The following JADE3 variants were observed in gnomAD, a reference collection of about 807,000 sequenced individuals.
JADE3 encodes the protein jade family PHD finger 3.
In JADE3, 2 loss-of-function variants were observed where a neutral mutation model predicts 50.1. The observed-to-expected ratio is 0.04, with a 90% CI of 0.02 to 0.13. The LOEUF (loss-of-function observed/expected upper bound fraction) is 0.13, where lower values mean the gene tolerates loss of function less well. JADE3 is among the 10% of genes least tolerant of loss of function. The pLI is 1.00. For missense variants in JADE3, 475 were observed against 634.4 expected, an observed-to-expected ratio of 0.75 and a Z score of 2.70; for synonymous variants, 218 against 232.9, an observed-to-expected ratio of 0.94 and a Z score of 0.58.
Position 46,928,957 on chromosome X carries a change from A to G in JADE3, c.-12+16238A>G, listed in dbSNP as rs1296880972. Among the ~76,000 whole-genome samples the G allele has an allele frequency of 2.7e-5, 3 of 111,906 alleles. No homozygotes were observed. The Admixed American group carries it at 2.9e-4, about 11-fold the overall frequency. ...GGCTATATACTTCCTGTGGAAAACAATAGTTAGGAAAAGAAATACACATTT... is the reference window on the plus strand; with the variant it reads ...GGCTATATACTTCCTGTGGAAAACAGTAGTTAGGAAAAGAAATACACATTT... On this transcript the variant is annotated intron_variant, in intron 1 of 10. Coordinates refer to ENST00000614628, the MANE Select transcript of JADE3 (RefSeq NM_014735.5).
intron 4 of JADE3, among the ~76,000 whole-genome samples, chrX:47,020,345 A>G (rs1381752456): frequency 9.0e-6 from 1 of 110,512 alleles, no homozygotes; most frequent in East Asian, 2.8e-4. Context: ...AAAAAAAAAA[A>G]GTGTGTCTAT....
At chrX:47,032,578 A>G (rs1298236051) in intron 6 of JADE3, among the ~76,000 whole-genome samples, 1 of 111,481 alleles carries the variant, frequency 9.0e-6, no homozygotes, top group African/African-American at 3.3e-5. Flanking sequence ...GGCATGGCAT[A>G]ATGAGAACTT....
rs1050120676 is a variant in JADE3 at position 46,920,675 on chromosome X, C to T, written c.-12+7956C>T. On this transcript the variant is annotated intron_variant, in intron 1 of 10. Transcript: ENST00000614628. Reference sequence around the variant, plus strand: ...ATATTCTCCTGCCATGAATGTGATTCCACGTATGGATGTCTAGTTGTCCCA... The same window carrying T: ...ATATTCTCCTGCCATGAATGTGATTTCACGTATGGATGTCTAGTTGTCCCA... 4.4e-5 allele frequency among the ~76,000 whole-genome samples: 5 copies of T among 112,554 alleles called. No homozygotes were observed. The East Asian group carries it at 1.1e-3, about 25-fold the overall frequency.
intron 4 of JADE3, among the ~76,000 whole-genome samples, chrX:47,016,394 A>T (rs1556362917): frequency 8.9e-6 from 1 of 111,971 alleles, no homozygotes; most frequent in African/African-American, 3.2e-5. Flanking sequence ...ACAGATTTCC[A>T]TATAGTCTTA....
intron 7 of JADE3, among the ~76,000 whole-genome samples, chrX:47,037,144 C>G (rs1556368165): frequency 9.3e-6 from 1 of 107,795 alleles, no homozygotes; most frequent in African/African-American, 3.4e-5. Flanking sequence ...GCATCCCTTT[C>G]TTTTCAGCAC....
intron 1 of JADE3, among the ~76,000 whole-genome samples, chrX:46,974,597 A>G (rs1556351212): frequency 8.9e-6 from 1 of 112,065 alleles, no homozygotes; most frequent in African/African-American, 3.2e-5. Context: ...GATTACTTCC[A>G]AATACCATCA....
At chrX:46,965,458 G>A (rs1421534801) in intron 1 of JADE3, among the ~76,000 whole-genome samples, 1 of 111,182 alleles carries the variant, frequency 9.0e-6, no homozygotes, top group Non-Finnish European at 1.9e-5. Context: ...ACTCATTCTC[G>A]GAGATTTGAT....
intron 1 of JADE3, among the ~76,000 whole-genome samples, chrX:46,958,484 A>G (rs1927183948): frequency 9.0e-6 from 1 of 111,481 alleles, no homozygotes; most frequent in Non-Finnish European, 1.9e-5. Context: ...GAAGACTCCT[A>G]CCTTCAGGAT....
At chrX:47,048,633 C>T (rs981608842) in intron 8 of JADE3, among the ~76,000 whole-genome samples, 3 of 111,783 alleles carry the variant, frequency 2.7e-5, no homozygotes, top group Non-Finnish European at 5.6e-5. Context: ...AGAATAGGCA[C>T]ATCAATAGAG....
chrX:46,978,825 C>T (rs1459673398), intron 1 of JADE3, among the ~76,000 whole-genome samples: 1 of 111,850 alleles, frequency 8.9e-6, no homozygotes, highest in African/African-American at 3.3e-5. Context: ...CGCTTTAATG[C>T]TTCTGAGCCC....
intron 1 of JADE3, among the ~76,000 whole-genome samples, chrX:46,913,597 T>G (rs1926017343): frequency 9.0e-6 from 1 of 111,483 alleles, no homozygotes; most frequent in Non-Finnish European, 1.9e-5. Context: ...GTTTGTTGTT[T>G]TTTTTAATAG....
At chrX:46,992,108 A>G (rs1235059096) in intron 3 of JADE3, among the ~76,000 whole-genome samples, 1 of 111,076 alleles carries the variant, frequency 9.0e-6, no homozygotes, top group Non-Finnish European at 1.9e-5. Flanking sequence ...CCGTTAGGTA[A>G]CACAGGGAGG....
intron 4 of JADE3, among the ~76,000 whole-genome samples, chrX:47,017,977 A>G (rs1928711582): frequency 9.0e-6 from 1 of 111,684 alleles, no homozygotes; most frequent in Non-Finnish European, 1.9e-5. Flanking sequence ...TCTAGCTGTA[A>G]CTCTGTCTTT....
intron 7 of JADE3, among the ~76,000 whole-genome samples, chrX:47,038,385 A>G (rs1556368576): frequency 1.8e-5 from 2 of 111,419 alleles, no homozygotes; most frequent in South Asian, 3.8e-4. Flanking sequence ...ACTATTCTCC[A>G]TAGTGGTTGT....
At chrX:46,946,750 A>G (rs1297514586) in intron 1 of JADE3, among the ~76,000 whole-genome samples, 1 of 112,357 alleles carries the variant, frequency 8.9e-6, no homozygotes, top group East Asian at 2.8e-4. Context: ...GTAGCTTGAA[A>G]TTGACCATCT....
intron 1 of JADE3, among the ~76,000 whole-genome samples, chrX:46,968,906 TAGA>T (rs1234762504): frequency 1.8e-5 from 2 of 111,658 alleles, no homozygotes; most frequent in African/African-American, 6.5e-5. Context: ...AGCAAAGATA[TAGA>T]AGAAATAACA....
chrX:46,976,815 G>A (rs782114763), intron 1 of JADE3, among the ~76,000 whole-genome samples: 6 of 110,649 alleles, frequency 5.4e-5, no homozygotes, highest in African/African-American at 2.0e-4. Context: ...AAGTTACTTT[G>A]ACAATCACAG....
chrX:47,056,582 TAAAAC>T (rs1251116014), intron 10 of JADE3, among the ~76,000 whole-genome samples: 1 of 112,324 alleles, frequency 8.9e-6, no homozygotes, highest in Non-Finnish European at 1.9e-5. Flanking sequence ...AATAGTCTAT[TAAAAC>T]AAATCCTTAG....
chrX:46,913,149 C>A (rs1168579145), intron 1 of JADE3, among the ~76,000 whole-genome samples: 1 of 112,341 alleles, frequency 8.9e-6, no homozygotes, highest in East Asian at 2.8e-4. Flanking sequence ...GGGCCAGACC[C>A]GTGGCGGGAG....
Sources: gnomAD v4.1 joint callset for allele counts (sites outside exome capture counted in the v4.1 genomes callset) on GRCh38, gnomAD v4.1.1 for gene constraint, MANE v1.5 for transcripts, NCBI Gene and HGNC (gene_info 2026-07-23, HGNC 2026-07-21) for gene names.